The following EFCAB11 variants were observed in gnomAD, a reference collection of about 807,000 sequenced individuals.
EFCAB11 encodes the protein EF-hand calcium-binding domain-containing protein 11.
A neutral mutation model predicts 23.0 loss-of-function variants in EFCAB11; 14 were observed. The ratio of observed to expected loss-of-function variants is 0.61; its 90% CI spans 0.40 to 0.95. The LOEUF is 0.95. Among genes scored for constraint, EFCAB11 ranks in the 40% least tolerant of loss-of-function variants. The probability of loss-of-function intolerance (pLI) is 0.00; values close to 1 mark genes in which losing one functional copy is unlikely to be tolerated. For missense variants in EFCAB11, 198 were observed against 195.8 expected, an observed-to-expected ratio of 1.01 and a Z score of -0.07; for synonymous variants, 65 against 66.6, an observed-to-expected ratio of 0.98 and a Z score of 0.11.
At chr14:89,948,582 A>C (rs1891056472) in intron 3 of EFCAB11, among the ~76,000 whole-genome samples, 1 of 152,262 alleles carries the variant, frequency 6.6e-6, no homozygotes, top group Non-Finnish European at 1.5e-5. Flanking sequence ...ATTTGGAAGA[A>C]GACTCAGTGT....
chr14:89,901,183 A>G (rs1889327630), intron 5 of EFCAB11, among the ~76,000 whole-genome samples: 1 of 152,244 alleles, frequency 6.6e-6, no homozygotes, highest in Non-Finnish European at 1.5e-5. Flanking sequence ...TATTCAAATG[A>G]TAAACACTTC....
intron 3 of EFCAB11, among the ~76,000 whole-genome samples, chr14:89,945,182 T>A (rs1042595685): frequency 6.6e-6 from 1 of 152,012 alleles, no homozygotes; most frequent in African/African-American, 2.4e-5. Context: ...AGCTTTTAAT[T>A]TTTTCTTGTT....
rs1889715257 is a variant in EFCAB11, at chr14:89,912,631, A to T, written c.410+18910T>A. ...ATTACAAATGCATATTTAAAGCCATAGGAATATTTAAATTCTCCCTGTTTT... is the reference window on the plus strand; with the variant it reads ...ATTACAAATGCATATTTAAAGCCATTGGAATATTTAAATTCTCCCTGTTTT... On this transcript the variant is annotated intron_variant, in intron 5 of 5. Coordinates refer to ENST00000316738, the MANE Select transcript of EFCAB11 (RefSeq NM_145231.4). Among the ~76,000 whole-genome samples, 2 of 152,250 alleles carry T rather than the reference A, an allele frequency of 1.3e-5. 1 individual carries two copies. The highest frequency in any genetic ancestry group is 4.1e-4 in the South Asian group (2 of 4,836).
chr14:89,857,321 C>T (rs1268644748), intron 5 of EFCAB11, among the ~76,000 whole-genome samples: 2 of 152,178 alleles, frequency 1.3e-5, no homozygotes, highest in Non-Finnish European at 2.9e-5. Context: ...CAAACAGATA[C>T]AGACCAAAAA....
At chr14:89,932,747 G>A in intron 3 of EFCAB11, 120 bp from the exon 4 acceptor site, 1 of 833,094 alleles carries the variant, frequency 1.2e-6, no homozygotes, top group Non-Finnish European at 1.9e-6. Context: ...TAATTTTGGT[G>A]AACAGTATTT....
intron 3 of EFCAB11, among the ~76,000 whole-genome samples, chr14:89,943,955 G>C (rs938984951): frequency 6.6e-6 from 1 of 152,114 alleles, no homozygotes; most frequent in African/African-American, 2.4e-5. Flanking sequence ...GTTAAGGAAA[G>C]AAAACATTCA....
At chr14:89,902,112 C>G (rs937473251) in intron 5 of EFCAB11, among the ~76,000 whole-genome samples, 1 of 152,132 alleles carries the variant, frequency 6.6e-6, no homozygotes, top group East Asian at 1.9e-4. Context: ...GCCTCTTGTT[C>G]GCTGCAACCC....
At chr14:89,884,053 G>A (rs952137790) in intron 5 of EFCAB11, among the ~76,000 whole-genome samples, 1 of 152,164 alleles carries the variant, frequency 6.6e-6, no homozygotes, top group Non-Finnish European at 1.5e-5. Flanking sequence ...CTTGAGCCCA[G>A]GAGTTTGAGG....
At chr14:89,866,164 G>A (rs948895467) in intron 5 of EFCAB11, among the ~76,000 whole-genome samples, 2 of 152,154 alleles carry the variant, frequency 1.3e-5, no homozygotes, top group East Asian at 1.9e-4. Context: ...AGGAGATGAA[G>A]TTCAATGATA....
chr14:89,809,617 T>C (rs977438389), intron 5 of EFCAB11, among the ~76,000 whole-genome samples: 5 of 152,174 alleles, frequency 3.3e-5, no homozygotes, highest in African/African-American at 1.2e-4. Flanking sequence ...ATTAAGTATT[T>C]ACATTATGCT....
intron 5 of EFCAB11, chr14:89,837,156 C>A (rs1222754082): frequency 2.2e-6 from 1 of 455,158 alleles, no homozygotes; most frequent in Non-Finnish European, 4.4e-6. Flanking sequence ...CTGCAACATA[C>A]AGAAATAACA....
At chr14:89,804,641 C>G (rs998842928) in intron 5 of EFCAB11, among the ~76,000 whole-genome samples, 1 of 152,178 alleles carries the variant, frequency 6.6e-6, no homozygotes, top group South Asian at 2.1e-4. Flanking sequence ...AAACTTCACA[C>G]AGAGCATTTA....
In EFCAB11 at chr14:89,866,458, C is replaced by A. The variant is rs185663147; in HGVS notation, c.410+65083G>T. ...CCACGAGGCCTGTGGGACAAAGCTG[C>A]CTCCTGGCCTCTCCAAGGGCCCCCT... is the stretch of plus-strand genomic sequence containing the variant. On this transcript the variant is annotated intron_variant, in intron 5 of 5. Coordinates refer to ENST00000316738, the MANE Select transcript of EFCAB11 (RefSeq NM_145231.4). Among the ~76,000 whole-genome samples, 150 of 152,380 alleles carry A rather than the reference C, an allele frequency of 9.8e-4. 1 individual carries two copies. Among genetic ancestry groups the A allele is most frequent in the Non-Finnish European group, 1.8e-3 (122 of 68,038 alleles).
intron 5 of EFCAB11, among the ~76,000 whole-genome samples, chr14:89,922,544 G>C (rs886250564): frequency 6.6e-6 from 1 of 152,236 alleles, no homozygotes; most frequent in African/African-American, 2.4e-5. Flanking sequence ...ACTCATCCTG[G>C]GGCTTGACTA....
At chr14:89,816,523 T>C (rs1372622541) in intron 5 of EFCAB11, among the ~76,000 whole-genome samples, 7 of 152,244 alleles carry the variant, frequency 4.6e-5, no homozygotes, top group African/African-American at 9.6e-5. Flanking sequence ...ATTACTTGTA[T>C]GTTAAAAGGC....
At chr14:89,924,663 G>GCA in intron 5 of EFCAB11, 1 of 1,535,776 alleles carries the variant, frequency 6.5e-7, no homozygotes, top group Non-Finnish European at 8.7e-7. Context: ...GTTAAATCAT[G>GCA]CACTGAAAAT....
chr14:89,874,721 C>T (rs1414654636), intron 5 of EFCAB11, among the ~76,000 whole-genome samples: 4 of 152,078 alleles, frequency 2.6e-5, no homozygotes, highest in Non-Finnish European at 4.4e-5. Flanking sequence ...CATGGTGAAA[C>T]CCCGCCTCTA....
At chr14:89,924,435 G>A in intron 5 of EFCAB11, 1 of 1,347,968 alleles carries the variant, frequency 7.4e-7, no homozygotes, top group Non-Finnish European at 9.5e-7. Context: ...TTCATCTCAT[G>A]ACTGGGAAGC....
intron 5 of EFCAB11, among the ~76,000 whole-genome samples, chr14:89,807,230 G>T (rs1456320913): frequency 6.6e-6 from 1 of 152,198 alleles, no homozygotes; most frequent in African/African-American, 2.4e-5. Flanking sequence ...AAAGCATAAT[G>T]ATGAAGAAAA....
Sources: allele counts gnomAD v4.1 joint callset (sites outside exome capture counted in the v4.1 genomes callset), GRCh38; gene constraint gnomAD v4.1.1; transcripts MANE v1.5; gene names NCBI Gene and HGNC (gene_info 2026-07-23, HGNC 2026-07-21).